RAPGEF6: variants seen among roughly 807,000 people sequenced by gnomAD.
RAPGEF6 encodes PDZ domain containing guanine nucleotide exchange factor (GEF) 2.
Under a neutral mutation model 171.4 loss-of-function variants are expected in RAPGEF6, and 56 were observed. That is an observed-to-expected ratio of 0.33 (90% CI 0.26 to 0.41). The LOEUF is 0.41. Ranked by LOEUF, RAPGEF6 falls within the 10% of genes least tolerant of loss-of-function variation. RAPGEF6 has a pLI of 1.00. For missense variants in RAPGEF6, 1,674 were observed against 1,921.4 expected (o/e 0.87, Z 2.41); for synonymous variants, 692 against 650.1 (o/e 1.06, Z -0.98).
At position 131,453,147 on chromosome 5, in the gene RAPGEF6, T is replaced by C. The variant is rs1310137408; in HGVS notation, c.3107A>G (p.Asn1036Ser). 1.2e-6 allele frequency: 2 copies of C among 1,613,572 alleles called. No individual in the cohort carries two copies. Among genetic ancestry groups the C allele is most frequent in the Non-Finnish European group, 1.7e-6 (2 of 1,179,716 alleles). Residue 1036 changes from asparagine to serine, a missense_variant, in exon 21 of 28, where the codon AAC (asparagine) becomes AGC (serine). Asn to Ser is a conservative substitution (Grantham distance 46). Around this residue, in one of 3 missense-constraint regions of RAPGEF6, gnomAD observed 1,116 missense variants for 1,321.5 expected, o/e 0.84. Transcript: ENST00000509018. ...GNDSKVDGLV[N>S]FEKLRMISKE... ...GGAAATCATTCTTAACTTCTCAAAG[T>C]TTACTAAACCATCTACTTTGGAGTC...
chr5:131,514,948 A>T (rs777607013), intron 7 of RAPGEF6, among the ~76,000 whole-genome samples: 2 of 152,210 alleles, frequency 1.3e-5, no homozygotes, highest in Admixed American at 6.5e-5. Context: ...GGATTAAGAC[A>T]GCATGAAACT....
intron 4 of RAPGEF6, among the ~76,000 whole-genome samples, chr5:131,588,853 A>T (rs1179327568): frequency 1.3e-5 from 2 of 152,098 alleles, no homozygotes; most frequent in Non-Finnish European, 2.9e-5. Context: ...GAGGCAGATC[A>T]CTTGAGGTCA....
chr5:131,506,997 A>G (rs949418204), intron 9 of RAPGEF6, among the ~76,000 whole-genome samples: 1 of 151,562 alleles, frequency 6.6e-6, no homozygotes, highest in East Asian at 1.9e-4. Flanking sequence ...GAAAATATGT[A>G]AACAGAGCCT....
At chr5:131,614,338 G>T (rs1221630872) in intron 1 of RAPGEF6, among the ~76,000 whole-genome samples, 8 of 150,888 alleles carry the variant, frequency 5.3e-5, no homozygotes, top group Non-Finnish European at 7.4e-5. Context: ...CCGGAGCCGC[G>T]GTAATTTATA....
chr5:131,528,656 T>C (rs979003297), intron 6 of RAPGEF6, among the ~76,000 whole-genome samples: 9 of 152,146 alleles, frequency 5.9e-5, no homozygotes, highest in African/African-American at 1.2e-4. Context: ...ATTCATTTTT[T>C]AATGGTGAGT....
intron 5 of RAPGEF6, among the ~76,000 whole-genome samples, chr5:131,548,551 A>C (rs552555898): frequency 1.3e-5 from 2 of 152,230 alleles, no homozygotes; most frequent in Non-Finnish European, 2.9e-5. Flanking sequence ...TTTACTTAGC[A>C]AACAATCCTG....
chr5:131,441,423 C>T (rs1752377853), intron 23 of RAPGEF6, among the ~76,000 whole-genome samples: 1 of 152,212 alleles, frequency 6.6e-6, no homozygotes, highest in South Asian at 2.1e-4. Context: ...TTGCACATAC[C>T]AAGCTGTTTC....
At chr5:131,582,543 C>G (rs1282333422) in intron 4 of RAPGEF6, among the ~76,000 whole-genome samples, 1 of 151,934 alleles carries the variant, frequency 6.6e-6, no homozygotes, top group Admixed American at 6.6e-5. Flanking sequence ...GGGTTAATAG[C>G]AGATTTTACA....
rs114020153 is a variant in RAPGEF6 at position 131,548,412 on chromosome 5, T to C, written c.352-222A>G. Among the ~76,000 whole-genome samples the C allele has an allele frequency of 1.6e-3, 247 of 152,340 alleles. 1 individual carries two copies. The highest frequency in any genetic ancestry group is 5.7e-3 in the African/African-American group (237 of 41,582). On this transcript the variant is annotated intron_variant, in intron 5 of 27. Coordinates refer to ENST00000509018, the MANE Select transcript of RAPGEF6 (RefSeq NM_016340.6). ...GTTTCCGTCCAGGAAACAGTCTCTC[T>C]TGTGCACATAAACATACATCCTCTA...
chr5:131,579,658 TG>T (rs1399226447), intron 4 of RAPGEF6, among the ~76,000 whole-genome samples: 1 of 152,178 alleles, frequency 6.6e-6, no homozygotes, highest in Non-Finnish European at 1.5e-5. Context: ...GGGTGCTGAC[TG>T]GTGCATTTAC....
chr5:131,436,316 C>G, intron 24 of RAPGEF6: 11 of 1,537,554 alleles, frequency 7.2e-6, no homozygotes, highest in Non-Finnish European at 9.6e-6. Flanking sequence ...TGCAAGTAAG[C>G]CCCACCTATT....
chr5:131,497,374 T>C (rs1756704710), intron 12 of RAPGEF6, among the ~76,000 whole-genome samples: 2 of 152,212 alleles, frequency 1.3e-5, no homozygotes, highest in South Asian at 4.2e-4. Flanking sequence ...TGAGGTCCAA[T>C]TATCTCTTTT....
intron 27 of RAPGEF6, among the ~76,000 whole-genome samples, chr5:131,427,626 A>G: frequency 6.6e-6 from 1 of 152,248 alleles, no homozygotes; most frequent in East Asian, 1.9e-4. Flanking sequence ...CAATAGAATC[A>G]TTTCAGATAA....
intron 5 of RAPGEF6, among the ~76,000 whole-genome samples, chr5:131,560,073 A>C (rs1028533924): frequency 6.6e-6 from 1 of 152,196 alleles, no homozygotes; most frequent in African/African-American, 2.4e-5. Context: ...TAACTCATAA[A>C]GCATTTAAAA....
At chr5:131,449,562 G>C (rs1752927779) in intron 21 of RAPGEF6, among the ~76,000 whole-genome samples, 1 of 152,046 alleles carries the variant, frequency 6.6e-6, no homozygotes, top group Non-Finnish European at 1.5e-5. Flanking sequence ...AAAGAAAGTG[G>C]TGTGAACTCT....
intron 4 of RAPGEF6, among the ~76,000 whole-genome samples, chr5:131,568,755 G>C (rs1304075231): frequency 6.6e-6 from 1 of 152,078 alleles, no homozygotes; most frequent in Non-Finnish European, 1.5e-5. Context: ...GGCAAGAAAA[G>C]ACATTAAAGG....
chr5:131,614,311 GAA>G (rs1765138998), intron 1 of RAPGEF6, among the ~76,000 whole-genome samples: 2 of 138,978 alleles, frequency 1.4e-5, no homozygotes, highest in Non-Finnish European at 3.1e-5. Flanking sequence ...AAGAAAGAAA[GAA>G]AAAGAAAAAG....
chr5:131,608,830 G>GC (rs1432974947), intron 1 of RAPGEF6, among the ~76,000 whole-genome samples: 1 of 150,776 alleles, frequency 6.6e-6, no homozygotes, highest in African/African-American at 2.4e-5. Flanking sequence ...TTTTTTCGCA[G>GC]CATCAGCATG....
At chr5:131,575,806 G>C (rs1200673226) in intron 4 of RAPGEF6, among the ~76,000 whole-genome samples, 1 of 152,084 alleles carries the variant, frequency 6.6e-6, no homozygotes, top group African/African-American at 2.4e-5. Flanking sequence ...TCTTACACAG[G>C]AATCAGGCCC....
Sources: allele counts gnomAD v4.1 joint callset (sites outside exome capture counted in the v4.1 genomes callset), GRCh38; gene constraint gnomAD v4.1.1; regional missense constraint gnomAD v4.1.1; transcripts MANE v1.5; gene names NCBI Gene and HGNC (gene_info 2026-07-23, HGNC 2026-07-21).